SYN2: variants seen among roughly 807,000 people sequenced by gnomAD.
The protein encoded by SYN2 is synapsin-2.
Under a neutral mutation model 50.9 loss-of-function variants are expected in SYN2, and 19 were observed. That is an observed-to-expected ratio of 0.37 (90% CI 0.26 to 0.55). The LOEUF (loss-of-function observed/expected upper bound fraction) is 0.55. Ranked by LOEUF, SYN2 falls within the 20% of genes least tolerant of loss-of-function variation. SYN2 has a pLI of 0.81. For missense variants in SYN2, 587 were observed against 576.4 expected (o/e 1.02, Z -0.19); for synonymous variants, 255 against 224.9 (o/e 1.13, Z -1.20).
At chr3:12,121,036 A>G (rs1415884785) in intron 1 of SYN2, among the ~76,000 whole-genome samples, 1 of 152,200 alleles carries the variant, frequency 6.6e-6, no homozygotes, top group Non-Finnish European at 1.5e-5. Flanking sequence ...AACTTTACAC[A>G]TACCATAGTG....
At chr3:12,013,511 G>T (rs307563) in intron 1 of SYN2, among the ~76,000 whole-genome samples, 118,688 of 152,030 alleles carry the variant, frequency 0.78, 46,646 homozygotes, top group Middle Eastern at 0.9. Flanking sequence ...AGACATATGT[G>T]CAGCTGCCTG....
chr3:12,115,568 C>T (rs962498780), intron 1 of SYN2, among the ~76,000 whole-genome samples: 6 of 152,078 alleles, frequency 3.9e-5, no homozygotes, highest in Non-Finnish European at 2.9e-5. Context: ...TTTATTCATT[C>T]CGTATTTTTA....
At chr3:12,163,409 C>T (rs933261118) in intron 7 of SYN2, among the ~76,000 whole-genome samples, 3 of 150,944 alleles carry the variant, frequency 2.0e-5, no homozygotes, top group Admixed American at 6.6e-5. Context: ...CTTCTCTTAC[C>T]CCCCCTTTTC....
intron 1 of SYN2, among the ~76,000 whole-genome samples, chr3:12,114,704 A>C (rs1291610737): frequency 1.3e-5 from 2 of 152,194 alleles, no homozygotes; most frequent in African/African-American, 4.8e-5. Flanking sequence ...TTCATAAAAA[A>C]ATATTGAAGG....
intron 7 of SYN2, among the ~76,000 whole-genome samples, chr3:12,162,476 A>G (rs565441385): frequency 8.5e-5 from 13 of 152,336 alleles, no homozygotes; most frequent in Middle Eastern, 6.8e-3. Flanking sequence ...TAGTTGAGAC[A>G]CATATCTCTA....
intron 11 of SYN2, among the ~76,000 whole-genome samples, chr3:12,186,583 G>T (rs1698345323): frequency 6.6e-6 from 1 of 152,160 alleles, no homozygotes; most frequent in Non-Finnish European, 1.5e-5. Flanking sequence ...ACCCCTTGAG[G>T]ATATTACTGA....
chr3:12,095,912 G>A (rs1036377243), intron 1 of SYN2, among the ~76,000 whole-genome samples: 2 of 151,988 alleles, frequency 1.3e-5, no homozygotes, highest in South Asian at 2.1e-4. Flanking sequence ...TCAAATATCT[G>A]CATGACATCC....
chr3:12,189,579 C>T (rs1488462353), intron 12 of SYN2, among the ~76,000 whole-genome samples: 6 of 152,010 alleles, frequency 3.9e-5, no homozygotes, highest in South Asian at 2.1e-4. Flanking sequence ...GAGGCAGAGG[C>T]GGACGGATCA....
At chr3:12,131,904 A>G (rs764282348) in intron 1 of SYN2, among the ~76,000 whole-genome samples, 7 of 152,180 alleles carry the variant, frequency 4.6e-5, no homozygotes, top group Non-Finnish European at 1.0e-4. Flanking sequence ...GAAATTTCAT[A>G]AACTCCAGAG....
rs529745621 is a variant in SYN2, at chr3:12,166,816, T to C, written c.981-418T>C. On this transcript the variant is annotated intron_variant, in intron 7 of 12. Transcript: ENST00000621198. ...TATAGATACTGAATGGGTAGGCGTC[T>C]GGGAACACAAGACACGATATGTACC... Among the ~76,000 whole-genome samples the C allele has an allele frequency of 1.1e-3, 174 of 152,334 alleles. 1 individual carries two copies. Among genetic ancestry groups the C allele is most frequent in the Admixed American group, 3.7e-3 (57 of 15,308 alleles).
chr3:12,123,379 G>T (rs1314042757), intron 1 of SYN2, among the ~76,000 whole-genome samples: 1 of 152,188 alleles, frequency 6.6e-6, no homozygotes, highest in Non-Finnish European at 1.5e-5. Context: ...TGGACTGAGA[G>T]CAGGGGCAAA....
chr3:12,170,952 C>T (rs1015536427), intron 10 of SYN2, among the ~76,000 whole-genome samples: 5 of 152,210 alleles, frequency 3.3e-5, no homozygotes, highest in African/African-American at 1.2e-4. Context: ...AGTTCCTTCT[C>T]TGGATCTCAA....
chr3:12,021,297 A>G (rs1574890795), intron 1 of SYN2, among the ~76,000 whole-genome samples: 1 of 152,210 alleles, frequency 6.6e-6, no homozygotes, highest in South Asian at 2.1e-4. Context: ...CAATATCTGA[A>G]AAGATTCTAT....
At chr3:12,184,360 C>T (rs1464062649) in intron 11 of SYN2, 18 of 985,740 alleles carry the variant, frequency 1.8e-5, no homozygotes, top group Non-Finnish European at 2.2e-5. Flanking sequence ...GCTTTCTGTT[C>T]CCAAAGCTTG....
At chr3:12,132,855 A>C (rs1296079108) in intron 1 of SYN2, among the ~76,000 whole-genome samples, 5 of 152,160 alleles carry the variant, frequency 3.3e-5, no homozygotes, top group Admixed American at 3.3e-4. Flanking sequence ...AGCTCACAGG[A>C]CTGTCTTCAG....
chr3:12,056,620 T>C (rs886241665), intron 1 of SYN2, among the ~76,000 whole-genome samples: 2 of 152,232 alleles, frequency 1.3e-5, no homozygotes, highest in Admixed American at 6.5e-5. Flanking sequence ...ACACCTGTTA[T>C]CTTGACATTC....
rs794999 is a variant in SYN2 at position 12,187,515 on chromosome 3, A to G, written c.1516A>G (p.Thr506Ala). The G allele has an allele frequency of 0.74, 1,155,253 of 1,552,224 alleles. 432,406 individuals are homozygous for G. Among genetic ancestry groups the G allele is most frequent in the Admixed American group, 0.82 (41,984 of 51,070 alleles). ...SAPQRPGGPTTHGDAPSSSSS... is the reference protein window; with the variant it reads ...SAPQRPGGPTAHGDAPSSSSS... ...TCCTCAGCGGCCGGGCGGCCCCACC[A>G]CCCACGGAGATGCACCCTCCAGCAG... is the stretch of plus-strand genomic sequence containing the variant. The change falls in exon 12 of 13, where the codon ACC becomes GCC. Residue 506 changes from threonine (T) to alanine (A), a missense_variant. By Grantham distance (58) the Thr-to-Ala change is moderately conservative (BLOSUM62 0). Coordinates refer to ENST00000621198, the MANE Select transcript of SYN2 (RefSeq NM_133625.6).
At chr3:12,060,196 G>T (rs950353052) in intron 1 of SYN2, among the ~76,000 whole-genome samples, 2 of 152,300 alleles carry the variant, frequency 1.3e-5, no homozygotes, top group East Asian at 3.9e-4. Context: ...TCCTGGGTCT[G>T]TAGTCTTAAC....
intron 5 of SYN2, among the ~76,000 whole-genome samples, chr3:12,158,186 C>T (rs1443539729): frequency 6.6e-6 from 1 of 152,096 alleles, no homozygotes; most frequent in East Asian, 1.9e-4. Context: ...AGGGGAGAGA[C>T]CTAAGTTAGC....
Sources: gnomAD v4.1 joint callset for allele counts (sites outside exome capture counted in the v4.1 genomes callset) on GRCh38, gnomAD v4.1.1 for gene constraint, MANE v1.5 for transcripts, NCBI Gene and HGNC (gene_info 2026-07-23, HGNC 2026-07-21) for gene names.